CARD14: variants seen among roughly 807,000 people sequenced by gnomAD.
CARD14 encodes the protein caspase recruitment domain family member 14, also known as caspase recruitment domain-containing protein 14.
Under a neutral mutation model 111.5 loss-of-function variants are expected in CARD14, and 107 were observed. That is an observed-to-expected ratio of 0.96 (90% CI 0.82 to 1.13). CARD14 has a LOEUF of 1.13. Among genes scored for constraint, CARD14 ranks in the 50% most tolerant of loss-of-function variants. The pLI, the probability that CARD14 is intolerant of heterozygous loss-of-function variation, is 0.00. For missense variants in CARD14, 1,322 were observed against 1,362.3 expected, an observed-to-expected ratio of 0.97 and a Z score of 0.47; for synonymous variants, 617 against 579.6, an observed-to-expected ratio of 1.06 and a Z score of -0.93.
chr17:80,184,277 C>T (rs770290464), intron 7 of CARD14, 39 bp downstream of exon 7: 152 of 1,450,568 alleles, frequency 1.0e-4, no homozygotes, highest in Non-Finnish European at 1.4e-4. Context: ...ACCCTGCTGT[C>T]GTCTGCCCCC....
rs1288453864 is a variant in CARD14, at chr17:80,181,410, C to G, written c.-20-9C>G. On this transcript the variant is annotated splice_polypyrimidine_tract_variant and intron_variant, in intron 4 of 23. Transcript: ENST00000648509. ...CTGACAACTCCACCCCCATGGCCAC[C>G]CCTCCTAGGGTCCTCCCAGCGCCCA... The G allele has an allele frequency of 6.5e-7, 1 of 1,545,600 alleles. No homozygotes were observed. The highest frequency in any genetic ancestry group is 1.2e-5 in the South Asian group (1 of 83,910).
At position 80,207,063 on chromosome 17, in the gene CARD14, GAGA is replaced by G. The variant is rs1474412398; in HGVS notation, c.2789_2791del (p.Lys930del). 1.0e-4 allele frequency: 169 copies of G among 1,613,684 alleles called. No individual in the cohort carries two copies. The highest frequency in any genetic ancestry group is 1.4e-4 in the Non-Finnish European group (167 of 1,179,840). Reference sequence around the variant, plus strand: ...CATCGTCATCCACGTCTCTGTCAACGAGAAGATGGCAAAGAAGCTCAAGTAGGT... The same window carrying G: ...CATCGTCATCCACGTCTCTGTCAACGAGATGGCAAAGAAGCTCAAGTAGGT... On this transcript the variant is annotated inframe_deletion, in exon 23 of 24. Transcript: ENST00000648509.
rs1374131350 is a variant in CARD14 at position 80,191,490 on chromosome 17, A to ACC, written c.1239+20_1239+21dup. 1 of 1,603,700 alleles carries ACC rather than the reference A, an allele frequency of 6.2e-7. No homozygotes were observed. The highest frequency in any genetic ancestry group is 1.3e-5 in the African/African-American group (1 of 74,782). ...CGGGTGTGGTGAGTGTTCCCGGCTGACCCGAGCTGGAGGCCAGGCAGGGGC... is the reference window on the plus strand; with the variant it reads ...CGGGTGTGGTGAGTGTTCCCGGCTGACCCCCGAGCTGGAGGCCAGGCAGGGGC... On this transcript the variant is annotated intron_variant, in intron 11 of 23. Coordinates refer to ENST00000648509, the MANE Select transcript of CARD14 (RefSeq NM_001366385.1).
intron 16 of CARD14, among the ~76,000 whole-genome samples, chr17:80,199,077 G>T (rs1186622215): frequency 1.3e-5 from 2 of 152,120 alleles, no homozygotes. Context: ...AGCCTCTTAA[G>T]TAGCTGGGAC....
At chr17:80,192,651 C>CCAGAGGG in intron 12 of CARD14, 32 bp downstream of exon 12, 1 of 1,548,692 alleles carries the variant, frequency 6.5e-7, no homozygotes, top group Non-Finnish European at 8.9e-7. Context: ...CCCTCACTGC[C>CCAGAGGG]TTGACCCTCT....
chr17:80,188,196 C>T lies in CARD14; in HGVS notation c.676-181C>T. The T allele has an allele frequency of 1.6e-6, 1 of 616,340 alleles. No homozygotes were observed. Among genetic ancestry groups the T allele is most frequent in the East Asian group, 3.6e-5 (1 of 27,746 alleles). The allele number at this position is 616,340 out of a possible 1,614,324, so 38.2% of individuals were successfully genotyped here. A position where few individuals can be genotyped will look rare whatever the true frequency, so the allele number is the denominator to read the frequency against. On this transcript the variant is annotated intron_variant, in intron 7 of 23. Coordinates refer to ENST00000648509, the MANE Select transcript of CARD14 (RefSeq NM_001366385.1). The surrounding 1 kb of genome is among the most constrained non-coding windows in gnomAD (Gnocchi z 4.5). ...GCTGAAAGGCCTCTGTCCTCCCAGCCCCAGTTGAATATTTGGGACTATTCA... is the reference window on the plus strand; with the variant it reads ...GCTGAAAGGCCTCTGTCCTCCCAGCTCCAGTTGAATATTTGGGACTATTCA...
intron 9 of CARD14, among the ~76,000 whole-genome samples, chr17:80,190,272 G>A (rs62074375): frequency 0.42 from 63,139 of 151,934 alleles, 13,423 homozygotes; most frequent in Middle Eastern, 0.52. Context: ...TAATTCAGAC[G>A]TAATCAGCCT....
intron 5 of CARD14, 80 bp downstream of exon 5, chr17:80,181,729 G>C: frequency 2.3e-6 from 3 of 1,309,262 alleles, no homozygotes; most frequent in Non-Finnish European, 2.1e-6. Flanking sequence ...TGTCTTCAGG[G>C]GGTCTCTTCT....
In CARD14 at chr17:80,181,597, C is replaced by T. The variant is rs368565321; in HGVS notation, c.159C>T (p.Asp53=). 4.6e-5 allele frequency: 71 copies of T among 1,559,790 alleles called. No individual in the cohort carries two copies. The highest frequency in any genetic ancestry group is 3.1e-4 in the Admixed American group (16 of 52,262). The stretch of plus-strand genomic sequence containing the variant: ...AGGCCAAGGTGCTGTGCCAGCTGGA[C>T]GAGGAGGAGGTGCTGCACAGCCCCC... ...LRQAKVLCQL[D]EEEVLHSPRL... is the part of the protein sequence containing the mutation. The change falls in exon 5 of 24, where the codon GAC becomes GAT. Residue 53 remains aspartate (D), a synonymous_variant. Coordinates refer to ENST00000648509, the MANE Select transcript of CARD14 (RefSeq NM_001366385.1).
intron 7 of CARD14, among the ~76,000 whole-genome samples, chr17:80,185,084 T>G (rs2040301382): frequency 6.6e-6 from 1 of 152,216 alleles, no homozygotes; most frequent in South Asian, 2.1e-4. Flanking sequence ...AGGCACTATC[T>G]CGCTCTGTCA....
In CARD14 at chr17:80,181,637, G is replaced by A. The variant is rs770888241; in HGVS notation, c.199G>A (p.Ala67Thr). Residue 67 changes from alanine to threonine, a missense_variant, in exon 5 of 24, where the codon GCC becomes ACC. By Grantham distance (58) the Ala-to-Thr change is moderately conservative (BLOSUM62 0). Coordinates refer to ENST00000648509, the MANE Select transcript of CARD14 (RefSeq NM_001366385.1). ...GCACAGCCCCCGGCTCACCAACAGC[G>A]CCATGCGGGCCGGTGAGCGCAGCTC... The part of the protein sequence containing the change: ...VLHSPRLTNS[A>T]MRAGHLLDLL... 1.6e-5 allele frequency: 25 copies of A among 1,548,038 alleles called. No homozygotes were observed. Among genetic ancestry groups the A allele is most frequent in the Admixed American group, 3.9e-5 (2 of 51,008 alleles).
chr17:80,177,997 A>G (rs2040066187), intron 2 of CARD14, among the ~76,000 whole-genome samples: 1 of 152,162 alleles, frequency 6.6e-6, no homozygotes, highest in African/African-American at 2.4e-5. Flanking sequence ...GGGGGCCACA[A>G]TCAGTGACAC....
Position 80,195,943 on chromosome 17 carries a change from C to T in CARD14, c.1594+291C>T. ...GCCCTGCTCAGCACCCAGCCCCCTG[C>T]TCTGATCTGTAACGCTTGGGCTTCC... On this transcript the variant is annotated intron_variant, in intron 14 of 23. Transcript: ENST00000648509. This position sits in a 1 kb window ranked among gnomAD's most constrained non-coding sequence, Gnocchi z 4.7. 2.7e-6 allele frequency: 1 copy of T among 373,432 alleles called. No homozygotes were observed. The allele number at this position is 373,432 out of a possible 1,614,324, so 23.1% of individuals were successfully genotyped here.
chr17:80,181,716 C>T, intron 5 of CARD14, 67 bp downstream of exon 5: 1 of 1,412,360 alleles, frequency 7.1e-7, no homozygotes, highest in Non-Finnish European at 9.5e-7. Flanking sequence ...CACTGTCTGC[C>T]TCTGTCTTCA....
intron 12 of CARD14, among the ~76,000 whole-genome samples, chr17:80,193,770 G>T (rs1794242547): frequency 6.6e-6 from 1 of 152,116 alleles, no homozygotes; most frequent in Admixed American, 6.5e-5. Context: ...TGCACACACG[G>T]GGAAGATTTC....
chr17:80,205,195 G>T lies in CARD14; in HGVS notation c.2559G>T (p.Lys853Asn). The T allele has an allele frequency of 1.2e-6, 2 of 1,612,268 alleles. No individual in the cohort carries two copies. Among genetic ancestry groups the T allele is most frequent in the Non-Finnish European group, 1.7e-6 (2 of 1,179,068 alleles). Residue 853 changes from lysine to asparagine, a missense_variant, in exon 21 of 24, where the codon AAG becomes AAT. Coordinates refer to ENST00000648509, the MANE Select transcript of CARD14 (RefSeq NM_001366385.1). The stretch of plus-strand genomic sequence containing the variant: ...TGTGCCTCCTCCAAGGGTTTAAGAA[G>T]TGCCTGGCAGGTATGCTGTTGCCTG... Reference protein sequence around the residue: ...EKLCLLQGFKKCLAEYLSQEE... With the variant: ...EKLCLLQGFKNCLAEYLSQEE...
At chr17:80,176,153 A>G (rs7219309) in intron 2 of CARD14, among the ~76,000 whole-genome samples, 145,288 of 145,288 alleles carry the variant, frequency 1, 72,644 homozygotes, top group Non-Finnish European at 1. Flanking sequence ...CTCACGGCCA[A>G]ACACAGTGGC....
intron 11 of CARD14, 114 bp from the exon 12 acceptor site, chr17:80,192,389 A>T: frequency 1.5e-6 from 1 of 686,400 alleles, no homozygotes; most frequent in Non-Finnish European, 2.6e-6. Flanking sequence ...GAAGCTGACG[A>T]GAGGAAACTG....
rs2040420995 is a variant in CARD14, at chr17:80,188,607, T to G, written c.843+63T>G. The G allele has an allele frequency of 7.3e-7, 1 of 1,377,270 alleles. No homozygotes were observed. Among genetic ancestry groups the G allele is most frequent in the Non-Finnish European group, 9.4e-7 (1 of 1,058,266 alleles). 85.3% of individuals were successfully genotyped at this position (1,377,270 alleles called of 1,614,324 possible). ...CCTTGGGGGCTTGGCCCTCAGGCTGTGGGGTTTCTGACAGGTGGTTTAGTT... is the reference window on the plus strand; with the variant it reads ...CCTTGGGGGCTTGGCCCTCAGGCTGGGGGGTTTCTGACAGGTGGTTTAGTT... On this transcript the variant is annotated intron_variant, in intron 8 of 23. Coordinates refer to ENST00000648509, the MANE Select transcript of CARD14 (RefSeq NM_001366385.1). The surrounding 1 kb of genome is among the most constrained non-coding windows in gnomAD (Gnocchi z 4.5).
Sources: gnomAD v4.1 joint callset for allele counts (sites outside exome capture counted in the v4.1 genomes callset) on GRCh38, gnomAD v4.1.1 for gene constraint, Gnocchi (gnomAD v3.1) non-coding constraint, MANE v1.5 for transcripts, NCBI Gene and HGNC (gene_info 2026-07-23, HGNC 2026-07-21) for gene names.